The following CADPS2 variants were observed in gnomAD, a reference collection of about 807,000 sequenced individuals.
The protein encoded by CADPS2 is calcium dependent secretion activator 2.
In CADPS2, 93 loss-of-function variants were observed where a neutral mutation model predicts 172.5. The observed-to-expected ratio is 0.54, with a 90% CI of 0.46 to 0.64. The LOEUF (loss-of-function observed/expected upper bound fraction) is 0.64, where lower values mean the gene tolerates loss of function less well. Ranked by LOEUF, CADPS2 falls within the 30% of genes least tolerant of loss-of-function variation. CADPS2 has a pLI of 0.00. For missense variants in CADPS2, 1,420 were observed against 1,565.9 expected, an observed-to-expected ratio of 0.91 and a Z score of 1.57; for synonymous variants, 546 against 555.2, an observed-to-expected ratio of 0.98 and a Z score of 0.23.
chr7:122,772,813 C>T (rs958717015), intron 1 of CADPS2, among the ~76,000 whole-genome samples: 1 of 151,948 alleles, frequency 6.6e-6, no homozygotes, highest in African/African-American at 2.4e-5. Context: ...CAGACTATGC[C>T]TAGATAAGAT....
At chr7:122,720,772 T>C (rs897750043) in intron 2 of CADPS2, among the ~76,000 whole-genome samples, 1 of 151,938 alleles carries the variant, frequency 6.6e-6, no homozygotes, top group Non-Finnish European at 1.5e-5. Flanking sequence ...GTTCATAAGA[T>C]TACTGCCACA....
chr7:122,582,302 A>C (rs979090011), intron 6 of CADPS2, among the ~76,000 whole-genome samples: 4 of 152,124 alleles, frequency 2.6e-5, no homozygotes, highest in African/African-American at 9.7e-5. Context: ...TCAGTAAAGC[A>C]GGTATAATAA....
intron 7 of CADPS2, among the ~76,000 whole-genome samples, chr7:122,555,043 G>C (rs971155267): frequency 2.6e-5 from 4 of 151,990 alleles, no homozygotes; most frequent in Non-Finnish European, 5.9e-5. Context: ...CGTTCAGAAA[G>C]ATATTCTTTG....
intron 1 of CADPS2, among the ~76,000 whole-genome samples, chr7:122,760,047 G>C (rs541037373): frequency 1.3e-5 from 2 of 150,754 alleles, no homozygotes; most frequent in South Asian, 4.2e-4. Context: ...TATGCTTATA[G>C]TACAATGAAT....
chr7:122,825,681 C>G (rs1563112657), intron 1 of CADPS2, among the ~76,000 whole-genome samples: 1 of 151,982 alleles, frequency 6.6e-6, no homozygotes. Flanking sequence ...CATTCTTTAA[C>G]TTTTTTTAAT....
intron 29 of CADPS2, among the ~76,000 whole-genome samples, chr7:122,325,263 G>C (rs1038577216): frequency 6.6e-6 from 1 of 152,032 alleles, no homozygotes; most frequent in Admixed American, 6.6e-5. Context: ...CTCAAACTGT[G>C]AGTATTTGCT....
intron 2 of CADPS2, chr7:122,702,510 A>T: frequency 6.2e-7 from 1 of 1,613,608 alleles, no homozygotes; most frequent in Non-Finnish European, 8.5e-7. Context: ...TTCTGATTCC[A>T]TCCTTCAGGA....
chr7:122,626,006 G>A (rs1438569085), intron 4 of CADPS2, among the ~76,000 whole-genome samples: 4 of 152,094 alleles, frequency 2.6e-5, no homozygotes, highest in Admixed American at 6.6e-5. Context: ...AAGAGTCAGG[G>A]CCAAGACCCT....
intron 22 of CADPS2, among the ~76,000 whole-genome samples, chr7:122,390,627 C>T (rs993877579): frequency 6.6e-6 from 1 of 151,868 alleles, no homozygotes; most frequent in African/African-American, 2.4e-5. Flanking sequence ...CATTTTTCTT[C>T]TGTTTGATTC....
intron 1 of CADPS2, among the ~76,000 whole-genome samples, chr7:122,834,964 C>G (rs749542961): frequency 2.6e-5 from 4 of 152,208 alleles, no homozygotes; most frequent in Admixed American, 2.6e-4. Context: ...AGTTTGAGAA[C>G]TGAGAACGGA....
rs549082004 is a variant in CADPS2, at chr7:122,793,661, C to G, written c.340-56593G>C. ...TAGTATTGATACGTGTGAATTTGAT[C>G]CTATCCTCATGATGTTAGCTGGTTA... On this transcript the variant is annotated intron_variant, in intron 1 of 29. Coordinates refer to ENST00000449022, the MANE Select transcript of CADPS2 (RefSeq NM_017954.11). 8.5e-5 allele frequency among the ~76,000 whole-genome samples: 13 copies of G among 152,194 alleles called. No homozygotes were observed. The South Asian group carries it at 1.5e-3, about 17-fold the overall frequency.
chr7:122,541,791 A>G (rs2063050586), intron 8 of CADPS2, among the ~76,000 whole-genome samples: 2 of 114,128 alleles, frequency 1.8e-5, no homozygotes, highest in Admixed American at 9.1e-5. Context: ...TCATATATTT[A>G]TATATTCATA....
chr7:122,490,804 T>C (rs539803966), intron 10 of CADPS2, among the ~76,000 whole-genome samples: 3 of 152,158 alleles, frequency 2.0e-5, no homozygotes, highest in African/African-American at 7.2e-5. Flanking sequence ...AATCATTATG[T>C]TTATTAATGT....
chr7:122,703,988 G>A (rs915188705), intron 2 of CADPS2, among the ~76,000 whole-genome samples: 1 of 151,972 alleles, frequency 6.6e-6, no homozygotes, highest in African/African-American at 2.4e-5. Flanking sequence ...TCTAAAGTCT[G>A]TTTCAAGGAG....
intron 2 of CADPS2, among the ~76,000 whole-genome samples, chr7:122,700,402 C>A (rs750358318): frequency 1.1e-4 from 16 of 152,064 alleles, no homozygotes; most frequent in Non-Finnish European, 1.9e-4. Context: ...ATAAAACATA[C>A]CCATAAAGGT....
intron 8 of CADPS2, among the ~76,000 whole-genome samples, chr7:122,524,650 G>T (rs990957076): frequency 6.6e-6 from 1 of 152,140 alleles, no homozygotes; most frequent in Non-Finnish European, 1.5e-5. Context: ...CAAAAGTGCA[G>T]AATATTTTCC....
intron 2 of CADPS2, among the ~76,000 whole-genome samples, chr7:122,688,621 G>A (rs2083927969): frequency 6.6e-6 from 1 of 152,156 alleles, no homozygotes. Context: ...GCTCTCCCTT[G>A]CCTTCAGGGT....
chr7:122,569,838 G>A lies in CADPS2; in HGVS notation c.1335+11341C>T, dbSNP rs1373472363. ...AAAACTGGCTAGCCATATGGAGAAA[G>A]CTGAAACTGGATCCCTTCCTTACAC... On this transcript the variant is annotated intron_variant, in intron 7 of 29. Transcript: ENST00000449022. Among the ~76,000 whole-genome samples, 5 of 144,176 alleles carry A rather than the reference G, an allele frequency of 3.5e-5. No individual in the cohort carries two copies. The East Asian group carries it at 8.0e-4, about 23-fold the overall frequency. 94.6% of individuals were successfully genotyped at this position (144,176 alleles called of 152,430 possible).
At chr7:122,476,463 T>C (rs1203700116) in intron 12 of CADPS2, among the ~76,000 whole-genome samples, 1 of 152,140 alleles carries the variant, frequency 6.6e-6, no homozygotes, top group African/African-American at 2.4e-5. Flanking sequence ...AAACGATCTA[T>C]AGTTCATTTC....
Sources: allele counts gnomAD v4.1 joint callset (sites outside exome capture counted in the v4.1 genomes callset), GRCh38; gene constraint gnomAD v4.1.1; transcripts MANE v1.5; gene names NCBI Gene and HGNC (gene_info 2026-07-23, HGNC 2026-07-21).